COL4A2: variants seen among roughly 807,000 people sequenced by gnomAD.
COL4A2 encodes collagen type IV alpha 2 chain, also known as collagen alpha-2(IV) chain.
In COL4A2, 99 loss-of-function variants were observed where a neutral mutation model predicts 200.2. That is an observed-to-expected ratio of 0.49 (90% CI 0.42 to 0.58). The LOEUF is 0.58. Among genes scored for constraint, COL4A2 ranks in the 20% least tolerant of loss-of-function variants. The pLI, the probability that COL4A2 is intolerant of heterozygous loss-of-function variation, is 0.00. For synonymous variants in COL4A2, 897 were observed against 900.6 expected (o/e 1.00, Z 0.07); for missense variants, 1,950 against 2,314.1 (o/e 0.84, Z 3.23).
At chr13:110,473,429 GACAGGGGCCGTGA>G (rs1882560469) in intron 29 of COL4A2, 1 of 402,028 alleles carries the variant, frequency 2.5e-6, no homozygotes, top group Non-Finnish European at 4.4e-6. Flanking sequence ...GCCTGGCTGT[GACAGGGGCCGTGA>G]CAGGCTCACT....
chr13:110,370,210 A>AG (rs112761463), intron 4 of COL4A2, among the ~76,000 whole-genome samples: 10 of 70,448 alleles, frequency 1.4e-4, no homozygotes, highest in Admixed American at 5.1e-4. Flanking sequence ...TACCAAAAAA[A>AG]AGAAAAAAAA....
chr13:110,366,158 T>A (rs1299534102), intron 4 of COL4A2, among the ~76,000 whole-genome samples: 1 of 152,248 alleles, frequency 6.6e-6, no homozygotes, highest in Non-Finnish European at 1.5e-5. Flanking sequence ...GACCATTGTT[T>A]TGTTTTATTC....
chr13:110,461,405 G>A (rs1882021199), intron 22 of COL4A2, among the ~76,000 whole-genome samples: 1 of 152,280 alleles, frequency 6.6e-6, no homozygotes, highest in South Asian at 2.1e-4. Context: ...CCGGGCTGGG[G>A]CCTGCACATC....
intron 18 of COL4A2, 39 bp downstream of exon 18, chr13:110,446,903 T>C: frequency 2.6e-6 from 4 of 1,548,514 alleles, no homozygotes; most frequent in Non-Finnish European, 3.6e-6. Context: ...CAGCATCGCA[T>C]ACACATTCTC....
At chr13:110,383,467 T>A (rs1878567018) in intron 4 of COL4A2, among the ~76,000 whole-genome samples, 1 of 152,190 alleles carries the variant, frequency 6.6e-6, no homozygotes, top group Admixed American at 6.5e-5. Context: ...TTTTGAGAGT[T>A]ACATTCATAG....
intron 3 of COL4A2, among the ~76,000 whole-genome samples, chr13:110,347,208 C>G (rs1400856642): frequency 6.6e-6 from 1 of 152,256 alleles, no homozygotes; most frequent in Admixed American, 6.5e-5. Flanking sequence ...GAGATCATCT[C>G]TAGCCCAGGA....
At chr13:110,472,004 G>A (rs886984810) in intron 28 of COL4A2, among the ~76,000 whole-genome samples, 3 of 152,008 alleles carry the variant, frequency 2.0e-5, no homozygotes, top group Non-Finnish European at 4.4e-5. Context: ...TGACTGCACC[G>A]AAAAAGGAAG....
chr13:110,505,383 C>T (rs1883825494), intron 45 of COL4A2, among the ~76,000 whole-genome samples: 1 of 152,012 alleles, frequency 6.6e-6, no homozygotes, highest in Non-Finnish European at 1.5e-5. Flanking sequence ...ATGGGTAGTA[C>T]TATTGGTGTC....
chr13:110,378,724 C>T (rs1004926580), intron 4 of COL4A2, among the ~76,000 whole-genome samples: 3 of 152,252 alleles, frequency 2.0e-5, no homozygotes, highest in African/African-American at 7.2e-5. Flanking sequence ...ATGCAGTATT[C>T]CCTGCAGACA....
intron 30 of COL4A2, among the ~76,000 whole-genome samples, chr13:110,479,019 G>A (rs1379154625): frequency 2.0e-5 from 3 of 152,180 alleles, no homozygotes; most frequent in Non-Finnish European, 2.9e-5. Flanking sequence ...GTGGGGCCTC[G>A]CCTGTGTCCA....
intron 16 of COL4A2, 126 bp downstream of exon 16, chr13:110,439,959 GT>G (rs1881059939): frequency 7.3e-7 from 1 of 1,378,766 alleles, no homozygotes; most frequent in Admixed American, 2.9e-5. Context: ...AATGGTTCTT[GT>G]ATTTGCAGTC....
At chr13:110,484,821 A>T in intron 32 of COL4A2, 84 bp from the exon 33 acceptor site, 1 of 1,468,164 alleles carries the variant, frequency 6.8e-7, no homozygotes, top group Non-Finnish European at 9.1e-7. Flanking sequence ...GTGCAGCCCT[A>T]TGGCTCAGGG....
At chr13:110,331,969 A>C (rs1875938379) in intron 3 of COL4A2, among the ~76,000 whole-genome samples, 1 of 152,186 alleles carries the variant, frequency 6.6e-6, no homozygotes, top group South Asian at 2.1e-4. Context: ...ATGTCCAATA[A>C]GCTGATGCCT....
At chr13:110,418,723 A>G (rs558374765) in intron 4 of COL4A2, among the ~76,000 whole-genome samples, 1 of 151,282 alleles carries the variant, frequency 6.6e-6, no homozygotes, top group East Asian at 2.0e-4. Flanking sequence ...TATATACTAA[A>G]TAAGGAGACA....
intron 16 of COL4A2, among the ~76,000 whole-genome samples, chr13:110,444,182 C>T (rs1393014586): frequency 1.3e-5 from 2 of 152,216 alleles, no homozygotes; most frequent in African/African-American, 4.8e-5. Context: ...TCAGATGGTT[C>T]AAAGTGCCCA....
rs531929581 is a variant in COL4A2, at chr13:110,441,318, C to T, written c.957+1485C>T. Among the ~76,000 whole-genome samples, 3 of 152,304 alleles carry T rather than the reference C, an allele frequency of 2.0e-5. No individual in the cohort carries two copies. In the South Asian group the frequency reaches 6.2e-4, roughly 32 times the overall value. On this transcript the variant is annotated intron_variant, in intron 16 of 47. Transcript: ENST00000360467. Reference sequence around the variant, plus strand: ...TCCAGGACCACAGATGGACCTGCCTCCCAGACTCGCTTTCTGACCTCCACT... The same window carrying T: ...TCCAGGACCACAGATGGACCTGCCTTCCAGACTCGCTTTCTGACCTCCACT...
chr13:110,371,720 C>T (rs1403277595), intron 4 of COL4A2, among the ~76,000 whole-genome samples: 1 of 152,224 alleles, frequency 6.6e-6, no homozygotes, highest in Non-Finnish European at 1.5e-5. Flanking sequence ...TCGATACTCC[C>T]TGCTCTCTGA....
chr13:110,482,427 A>C (rs554545563), intron 31 of COL4A2, 89 bp from the exon 32 acceptor site: 15 of 1,416,196 alleles, frequency 1.1e-5, no homozygotes, highest in African/African-American at 1.4e-5. Flanking sequence ...CTTGAGTTAC[A>C]TTGCCGAAAT....
chr13:110,334,405 C>T (rs1876075099), intron 3 of COL4A2, among the ~76,000 whole-genome samples: 1 of 152,202 alleles, frequency 6.6e-6, no homozygotes, highest in Admixed American at 6.5e-5. Context: ...CAGAGGCTTC[C>T]CTTAGATGAG....
Sources: allele counts gnomAD v4.1 joint callset (sites outside exome capture counted in the v4.1 genomes callset), GRCh38; gene constraint gnomAD v4.1.1; transcripts MANE v1.5; gene names NCBI Gene and HGNC (gene_info 2026-07-23, HGNC 2026-07-21).